The following C1QTNF3 variants were observed in gnomAD, a reference collection of about 807,000 sequenced individuals.
C1QTNF3 encodes complement C1q tumor necrosis factor-related protein 3.
In C1QTNF3, 26 loss-of-function variants were observed where a neutral mutation model predicts 32.6. That is an observed-to-expected ratio of 0.80 (90% CI 0.58 to 1.11). The LOEUF is 1.11. C1QTNF3 is among the 50% of genes least tolerant of loss of function. C1QTNF3 has a pLI of 0.00. For missense variants in C1QTNF3, 362 were observed against 398.2 expected (o/e 0.91, Z 0.77); for synonymous variants, 155 against 146.0 (o/e 1.06, Z -0.44).
At chr5:34,121,918 A>C in the C1QTNF3 span, among the ~76,000 whole-genome samples, 2 of 152,204 alleles carry the variant, frequency 1.3e-5, no homozygotes, top group African/African-American at 4.8e-5. Context: ...GCAAAAAAAC[A>C]GATGTTTATG....
chr5:34,118,286 T>C, the C1QTNF3 span, among the ~76,000 whole-genome samples: 2 of 152,210 alleles, frequency 1.3e-5, no homozygotes, highest in South Asian at 4.2e-4. Context: ...TGCATGTTGG[T>C]CAGGCAACTT....
chr5:34,220,934 T>G, the C1QTNF3 span, among the ~76,000 whole-genome samples: 1 of 152,078 alleles, frequency 6.6e-6, no homozygotes, highest in African/African-American at 2.4e-5. Flanking sequence ...CATGTTTGCA[T>G]GTCCAGTGCT....
At chr5:34,103,484 T>A in the C1QTNF3 span, among the ~76,000 whole-genome samples, 1 of 150,612 alleles carries the variant, frequency 6.6e-6, no homozygotes. Flanking sequence ...TCACAGCTTA[T>A]AATTTGCCTT....
the C1QTNF3 span, among the ~76,000 whole-genome samples, chr5:34,077,519 A>G: frequency 1.3e-5 from 2 of 151,796 alleles, no homozygotes; most frequent in African/African-American, 4.9e-5. Context: ...TTTGTTCATG[A>G]AAGTCAAAAC....
At chr5:34,039,212 C>G (rs964975582) in intron 1 of C1QTNF3, among the ~76,000 whole-genome samples, 1 of 152,084 alleles carries the variant, frequency 6.6e-6, no homozygotes, top group African/African-American at 2.4e-5. Context: ...TGTGGACAAC[C>G]CACCCCAAGG....
chr5:34,124,295 T>C, the C1QTNF3 span: 4 of 522,406 alleles, frequency 7.7e-6, no homozygotes, highest in South Asian at 2.8e-5. Flanking sequence ...TCCAAAAACA[T>C]TGCCAGATGT....
At chr5:34,073,217 C>T in the C1QTNF3 span, among the ~76,000 whole-genome samples, 1 of 151,700 alleles carries the variant, frequency 6.6e-6, no homozygotes, top group Admixed American at 6.6e-5. Context: ...GTCCCAGCTA[C>T]TAGGGAAGCT....
intron 4 of C1QTNF3, among the ~76,000 whole-genome samples, chr5:34,025,115 C>G (rs1197800430): frequency 1.3e-5 from 2 of 152,078 alleles, no homozygotes; most frequent in Non-Finnish European, 2.9e-5. Flanking sequence ...GTTCTGGGAA[C>G]AAAGGAAATG....
At chr5:34,087,872 C>T in the C1QTNF3 span, among the ~76,000 whole-genome samples, 1 of 152,380 alleles carries the variant, frequency 6.6e-6, no homozygotes, top group South Asian at 2.1e-4. Context: ...GCATGAGCCA[C>T]TGCATCTGGC....
At chr5:34,084,791 TTTTTTTTTG>T in the C1QTNF3 span, among the ~76,000 whole-genome samples, 8 of 71,444 alleles carry the variant, frequency 1.1e-4, no homozygotes, top group East Asian at 8.0e-4. Context: ...TTTTTCTGGT[TTTTTTTTTG>T]TTTTTTTTGT....
the C1QTNF3 span, among the ~76,000 whole-genome samples, chr5:34,056,036 G>A: frequency 6.6e-6 from 1 of 152,156 alleles, no homozygotes; most frequent in Non-Finnish European, 1.5e-5. Context: ...TGGAATTTCA[G>A]AAACCTCCCT....
the C1QTNF3 span, among the ~76,000 whole-genome samples, chr5:34,108,014 C>T: frequency 6.6e-6 from 1 of 151,968 alleles, no homozygotes; most frequent in African/African-American, 2.4e-5. Flanking sequence ...TGCGAACCTA[C>T]ATTAATTAAA....
chr5:34,167,476 A>G, the C1QTNF3 span: 3 of 152,222 alleles, frequency 2.0e-5, no homozygotes, highest in African/African-American at 7.2e-5. Flanking sequence ...TAAGCCCTGC[A>G]TGTAGCAAAG....
At position 34,042,871 on chromosome 5, in the gene C1QTNF3, C is replaced by T. The variant is rs144445678; in HGVS notation, c.255G>A (p.Pro85=). The change falls in exon 1 of 6, where the codon CCG becomes CCA. Residue 85 remains proline, a synonymous_variant. Transcript: ENST00000382065. Reference sequence around the variant, plus strand: ...GGGCTAGGTCATCTACCTCGGGGTGCGGTAGCTCATCTGGTCTCAGGGATT... The same window carrying T: ...GGGCTAGGTCATCTACCTCGGGGTGTGGTAGCTCATCTGGTCTCAGGGATT... ...DLKSLRPDEL[P]HPEVDDLAQI... 1.1e-3 allele frequency: 1,839 copies of T among 1,614,112 alleles called. 4 individuals are homozygous for T. Among genetic ancestry groups the T allele is most frequent in the Non-Finnish European group, 1.4e-3 (1,709 of 1,180,002 alleles).
chr5:34,028,643 T>C (rs1754535980), intron 4 of C1QTNF3, 111 bp downstream of exon 4: 5 of 963,174 alleles, frequency 5.2e-6, no homozygotes, highest in South Asian at 5.4e-5. Flanking sequence ...CCTTCCTCCT[T>C]CTTTCTCTCC....
chr5:34,150,300 A>C, the C1QTNF3 span, among the ~76,000 whole-genome samples: 10 of 97,642 alleles, frequency 1.0e-4, no homozygotes, highest in African/African-American at 4.7e-4. Flanking sequence ...CAGATCAACG[A>C]GACAGAAAGT....
chr5:34,194,961 A>G, the C1QTNF3 span, among the ~76,000 whole-genome samples: 12 of 151,740 alleles, frequency 7.9e-5, no homozygotes, highest in Admixed American at 5.9e-4. Context: ...TTCAGTACAG[A>G]CGCAATTTTT....
chr5:34,225,811 A>G, the C1QTNF3 span, among the ~76,000 whole-genome samples: 2 of 151,946 alleles, frequency 1.3e-5, no homozygotes, highest in East Asian at 3.9e-4. Flanking sequence ...TCTCTGACCT[A>G]AACTTATCAT....
At chr5:34,172,489 A>G in the C1QTNF3 span, among the ~76,000 whole-genome samples, 1 of 151,906 alleles carries the variant, frequency 6.6e-6, no homozygotes, top group African/African-American at 2.4e-5. Context: ...TGAAGTTCTC[A>G]AAATCCTAAT....
Sources: gnomAD v4.1 joint callset for allele counts (sites outside exome capture counted in the v4.1 genomes callset) on GRCh38, gnomAD v4.1.1 for gene constraint, MANE v1.5 for transcripts, NCBI Gene and HGNC (gene_info 2026-07-23, HGNC 2026-07-21) for gene names.